The following SNX14 variants were observed in gnomAD, a reference collection of about 807,000 sequenced individuals.
SNX14 encodes sorting nexin 14, also known as sorting nexin-14.
A neutral mutation model predicts 133.8 loss-of-function variants in SNX14; 93 were observed. That is an observed-to-expected ratio of 0.70 (90% CI 0.59 to 0.83). The LOEUF is 0.83. Ranked by LOEUF, SNX14 falls within the 40% of genes least tolerant of loss-of-function variation. The pLI is 0.00. For synonymous variants in SNX14, 368 were observed against 365.6 expected (o/e 1.01, Z -0.07); for missense variants, 945 against 1,094.9 (o/e 0.86, Z 1.93).
chr6:85,566,124 C>T (rs914941462), intron 5 of SNX14, among the ~76,000 whole-genome samples: 11 of 152,196 alleles, frequency 7.2e-5, no homozygotes, highest in Non-Finnish European at 1.6e-4. Context: ...TCAATAGCTA[C>T]AACTGAGAAG....
intron 5 of SNX14, among the ~76,000 whole-genome samples, chr6:85,566,757 G>A (rs1041397009): frequency 6.6e-6 from 1 of 151,564 alleles, no homozygotes; most frequent in Admixed American, 6.6e-5. Context: ...ATAAAATCAG[G>A]GTAGATGTCA....
intron 7 of SNX14, among the ~76,000 whole-genome samples, chr6:85,551,483 T>G (rs1787822869): frequency 6.6e-6 from 1 of 152,208 alleles, no homozygotes; most frequent in African/African-American, 2.4e-5. Flanking sequence ...CCAATCAGCA[T>G]TCAGCTGTAT....
chr6:85,532,336 T>C (rs1248903092), intron 18 of SNX14, among the ~76,000 whole-genome samples: 1 of 152,216 alleles, frequency 6.6e-6, no homozygotes, highest in African/African-American at 2.4e-5. Flanking sequence ...CAGTATGGTC[T>C]AAGACCTGGA....
At chr6:85,532,870 T>G (rs1189922515) in intron 18 of SNX14, among the ~76,000 whole-genome samples, 1 of 152,074 alleles carries the variant, frequency 6.6e-6, no homozygotes, top group Non-Finnish European at 1.5e-5. Flanking sequence ...GCTTGTAAAG[T>G]TTTAACCATA....
intron 12 of SNX14, among the ~76,000 whole-genome samples, chr6:85,546,754 G>C (rs1785649856): frequency 6.6e-6 from 1 of 152,016 alleles, no homozygotes. Context: ...CCTGAGGTCG[G>C]GAATTCAAGA....
rs113230278 is a variant in SNX14 at position 85,522,199 on chromosome 6, A to C, written c.2107+3927T>G. On this transcript the variant is annotated intron_variant, in intron 21 of 28. Transcript: ENST00000314673. ...TTCTTGAAAAGCTGACTCCTTCCCC[A>C]TTCTGCAGAGCCATGCTCACAAATC... Among the ~76,000 whole-genome samples, 355 of 152,306 alleles carry C rather than the reference A, an allele frequency of 2.3e-3. 4 individuals are homozygous for C. The highest frequency in any genetic ancestry group is 0.013 in the South Asian group (62 of 4,826).
At chr6:85,548,570 C>T (rs1467466327) in intron 8 of SNX14, among the ~76,000 whole-genome samples, 194 bp from the exon 9 acceptor site, 3 of 152,052 alleles carry the variant, frequency 2.0e-5, no homozygotes, top group Non-Finnish European at 4.4e-5. Flanking sequence ...GCAGAACACA[C>T]GTTGAATAGC....
chr6:85,577,524 C>T (rs925443659), intron 1 of SNX14, among the ~76,000 whole-genome samples: 22 of 152,124 alleles, frequency 1.4e-4, no homozygotes, highest in African/African-American at 4.6e-4. Context: ...AAATGTTCCA[C>T]AAGCACCTAA....
intron 2 of SNX14, 117 bp from the exon 3 acceptor site, chr6:85,572,491 T>C: frequency 1.3e-6 from 1 of 771,828 alleles, no homozygotes. Context: ...AGAACATTTT[T>C]TGTCTACTTT....
chr6:85,514,606 A>G lies in SNX14; in HGVS notation c.2292T>C (p.Asn764=). Residue 764 remains asparagine (N), a synonymous_variant, in exon 24 of 29, where the codon AAT becomes AAC. Coordinates refer to ENST00000314673, the MANE Select transcript of SNX14 (RefSeq NM_153816.6). The part of the protein sequence containing the change: ...NKKLFNDLFK[N]NANRAENTER... ...CTGTATTTTCAGCACGGTTTGCATT[A>G]TTTTTAAACAGATCATTGAAAAGCT... 6.2e-7 allele frequency: 1 copy of G among 1,611,830 alleles called. No individual in the cohort carries two copies.
chr6:85,592,991 G>A (rs752285895), intron 1 of SNX14, among the ~76,000 whole-genome samples: 2 of 152,232 alleles, frequency 1.3e-5, no homozygotes, highest in Non-Finnish European at 2.9e-5. Flanking sequence ...TCCAGCCTGG[G>A]TGACAGAGCG....
At chr6:85,573,897 C>T (rs999620291) in intron 2 of SNX14, among the ~76,000 whole-genome samples, 1 of 152,142 alleles carries the variant, frequency 6.6e-6, no homozygotes, top group Non-Finnish European at 1.5e-5. Flanking sequence ...AGAGGACACC[C>T]TAAAATTGTG....
chr6:85,542,528 G>A (rs1784091773), intron 14 of SNX14, among the ~76,000 whole-genome samples: 2 of 152,046 alleles, frequency 1.3e-5, no homozygotes, highest in Admixed American at 1.3e-4. Context: ...CCAAGTAGCT[G>A]GGACTACAGG....
At chr6:85,548,197 G>T in intron 9 of SNX14, 104 bp downstream of exon 9, 1 of 787,622 alleles carries the variant, frequency 1.3e-6, no homozygotes, top group Non-Finnish European at 2.0e-6. Flanking sequence ...ACAACAATAT[G>T]AATGTTTTCA....
intron 1 of SNX14, among the ~76,000 whole-genome samples, chr6:85,574,615 G>A (rs1226402357): frequency 6.6e-6 from 1 of 152,006 alleles, no homozygotes; most frequent in Non-Finnish European, 1.5e-5. Flanking sequence ...TTCATAATTG[G>A]TACCTATGTT....
At chr6:85,582,845 A>C (rs1799469491) in intron 1 of SNX14, among the ~76,000 whole-genome samples, 1 of 152,204 alleles carries the variant, frequency 6.6e-6, no homozygotes, top group Admixed American at 6.5e-5. Context: ...CCAAAGGTAC[A>C]AAGAGGAGCT....
intron 21 of SNX14, 24 bp from the exon 22 acceptor site, chr6:85,518,072 T>C (rs1294667200): frequency 6.3e-7 from 1 of 1,578,474 alleles, no homozygotes; most frequent in African/African-American, 1.4e-5. Flanking sequence ...TAAAACATTA[T>C]TTTAGGAAGG....
At chr6:85,515,849 T>C (rs1228328945) in intron 23 of SNX14, among the ~76,000 whole-genome samples, 2 of 152,148 alleles carry the variant, frequency 1.3e-5, no homozygotes, top group African/African-American at 4.8e-5. Context: ...TTTCCCTCTG[T>C]ATTTTCAGCA....
At chr6:85,536,690 T>C (rs572187817) in intron 17 of SNX14, 102 bp downstream of exon 17, 36 of 1,120,764 alleles carry the variant, frequency 3.2e-5, no homozygotes, top group Non-Finnish European at 4.0e-5. Context: ...TTAAACAGAA[T>C]ACACAGATTC....
Sources: allele counts gnomAD v4.1 joint callset (sites outside exome capture counted in the v4.1 genomes callset), GRCh38; gene constraint gnomAD v4.1.1; transcripts MANE v1.5; gene names NCBI Gene and HGNC (gene_info 2026-07-23, HGNC 2026-07-21).